Variants in CDK1 observed in about 807,000 individuals in gnomAD.
CDK1 encodes cyclin-dependent kinase 1.
CDK1 carries 5 observed loss-of-function variants against 34.6 expected under a neutral mutation model. The observed-to-expected ratio is 0.14, with a 90% CI of 0.08 to 0.30. The LOEUF is 0.30. Ranked by LOEUF, CDK1 falls within the 10% of genes least tolerant of loss-of-function variation. The pLI is 1.00. For missense variants in CDK1, 157 were observed against 345.7 expected (o/e 0.45, Z 4.33); for synonymous variants, 108 against 114.7 (o/e 0.94, Z 0.37).
intron 7 of CDK1, among the ~76,000 whole-genome samples, chr10:60,793,368 G>A (rs186137764): frequency 1.3e-5 from 2 of 151,992 alleles, no homozygotes; most frequent in East Asian, 1.9e-4. Flanking sequence ...TTTTTCTGGC[G>A]CGTAAACTAA....
At chr10:60,792,622 A>G (rs1589115085) in intron 7 of CDK1, among the ~76,000 whole-genome samples, 1 of 151,952 alleles carries the variant, frequency 6.6e-6, no homozygotes, top group Admixed American at 6.6e-5. Context: ...CTCTTAGTTT[A>G]TGCTAGACGT....
intron 3 of CDK1, 85 bp downstream of exon 3, chr10:60,784,946 A>G (rs2080302884): frequency 3.1e-6 from 4 of 1,304,648 alleles, no homozygotes; most frequent in Non-Finnish European, 4.3e-6. Flanking sequence ...ACATTTGCTC[A>G]ATTTCTTGGT....
At chr10:60,787,261 C>T (rs952962413) in intron 4 of CDK1, among the ~76,000 whole-genome samples, 1 of 151,996 alleles carries the variant, frequency 6.6e-6, no homozygotes, top group Non-Finnish European at 1.5e-5. Context: ...TCAACACTTC[C>T]AACTATATGC....
At chr10:60,790,926 A>G (rs2080355631) in intron 5 of CDK1, among the ~76,000 whole-genome samples, 1 of 152,078 alleles carries the variant, frequency 6.6e-6, no homozygotes, top group Admixed American at 6.6e-5. Flanking sequence ...TTCGGTTACT[A>G]TAGCTTTGTA....
intron 5 of CDK1, among the ~76,000 whole-genome samples, chr10:60,789,914 A>AT (rs1446059510): frequency 1.3e-5 from 2 of 152,004 alleles, no homozygotes; most frequent in African/African-American, 2.4e-5. Context: ...ATCAGCACTT[A>AT]TTTTTTGTCT....
chr10:60,784,432 C>G (rs1380862150), intron 2 of CDK1, among the ~76,000 whole-genome samples: 4 of 152,086 alleles, frequency 2.6e-5, no homozygotes, highest in African/African-American at 9.7e-5. Flanking sequence ...GAGTTCCAGA[C>G]TGGCCTGGGC....
chr10:60,781,104 C>T (rs1220358602), intron 2 of CDK1, among the ~76,000 whole-genome samples: 1 of 151,748 alleles, frequency 6.6e-6, no homozygotes, highest in African/African-American at 2.4e-5. Context: ...TTCTACTAAA[C>T]AAATTTTGCT....
In CDK1 at chr10:60,794,314, A is replaced by G. The variant is rs929126762; in HGVS notation, c.*339A>G. ...GTAGTTGGAACTACTAAAATTTAGG[A>G]AAATGCTAAGTTCAAGTTTCGTAAT... On this transcript the variant is annotated 3_prime_UTR_variant, in exon 8 of 8. Transcript: ENST00000395284. The G allele has an allele frequency of 6.1e-6, 1 of 164,706 alleles. No individual in the cohort carries two copies. The highest frequency in any genetic ancestry group is 2.4e-5 in the African/African-American group (1 of 41,938). The allele number at this position is 164,706 out of a possible 1,614,324, so 10.2% of individuals were successfully genotyped here.
chr10:60,790,015 A>G (rs2080348103), intron 5 of CDK1, among the ~76,000 whole-genome samples: 1 of 152,174 alleles, frequency 6.6e-6, no homozygotes, highest in African/African-American at 2.4e-5. Flanking sequence ...GCACTTTTTC[A>G]TATACTTGCT....
At chr10:60,793,581 A>T (rs1044763835) in intron 7 of CDK1, among the ~76,000 whole-genome samples, 22 of 151,990 alleles carry the variant, frequency 1.4e-4, no homozygotes, top group Admixed American at 9.2e-4. Flanking sequence ...CGTCTTTCCT[A>T]TATTTGTGTC....
At chr10:60,789,406 G>T (rs1400551808) in intron 5 of CDK1, among the ~76,000 whole-genome samples, 2 of 152,124 alleles carry the variant, frequency 1.3e-5, no homozygotes, top group East Asian at 3.9e-4. Context: ...ACTAAGCCCT[G>T]AATAACCACT....
rs545922352 is a variant in CDK1 at position 60,781,077 on chromosome 10, T to G, written c.37+875T>G. 5.9e-5 allele frequency among the ~76,000 whole-genome samples: 9 copies of G among 151,920 alleles called. No homozygotes were observed. The South Asian group carries it at 1.9e-3, about 32-fold the overall frequency. On this transcript the variant is annotated intron_variant, in intron 2 of 7. Transcript: ENST00000395284. ...ATATATATTTTTTTTTTAAATCACTTAAATACCTCATACCCATTCTACTAA... is the reference window on the plus strand; with the variant it reads ...ATATATATTTTTTTTTTAAATCACTGAAATACCTCATACCCATTCTACTAA...
At position 60,785,144 on chromosome 10, in the gene CDK1, A is replaced by T. The variant is rs60184425; in HGVS notation, c.194+283A>T. On this transcript the variant is annotated intron_variant, in intron 3 of 7. Transcript: ENST00000395284. ...AAGCCGTTTTCATAGAGCTTTGTCAACTCTCTCCTACTTGGGGAGCTCTAG... is the reference window on the plus strand; with the variant it reads ...AAGCCGTTTTCATAGAGCTTTGTCATCTCTCTCCTACTTGGGGAGCTCTAG... Among the ~76,000 whole-genome samples, 989 of 152,100 alleles carry T rather than the reference A, an allele frequency of 6.5e-3. 7 individuals carry two copies. The highest frequency in any genetic ancestry group is 0.022 in the African/African-American group (916 of 41,496).
At chr10:60,785,531 T>A in intron 3 of CDK1, 133 bp from the exon 4 acceptor site, 2 of 589,348 alleles carry the variant, frequency 3.4e-6, no homozygotes, top group Non-Finnish European at 6.0e-6. Flanking sequence ...TTTGAGTCTC[T>A]TCCATTAGGG....
chr10:60,788,630 C>T (rs1038621186), intron 5 of CDK1, among the ~76,000 whole-genome samples: 2 of 152,052 alleles, frequency 1.3e-5, no homozygotes, highest in African/African-American at 2.4e-5. Flanking sequence ...TGAACCCTCC[C>T]TGATTATAGT....
intron 2 of CDK1, among the ~76,000 whole-genome samples, chr10:60,782,691 T>G (rs1034144241): frequency 2.0e-5 from 3 of 152,186 alleles, no homozygotes; most frequent in Non-Finnish European, 2.9e-5. Context: ...GATCTCCTTC[T>G]AGGCTTACCT....
chr10:60,780,422 A>G (rs575322997), intron 2 of CDK1, among the ~76,000 whole-genome samples: 3 of 152,292 alleles, frequency 2.0e-5, no homozygotes, highest in Admixed American at 6.5e-5. Context: ...CCTCACCCCC[A>G]TAGTCTTACA....
At chr10:60,779,578 C>T (rs1285350444) in intron 1 of CDK1, among the ~76,000 whole-genome samples, 5 of 152,076 alleles carry the variant, frequency 3.3e-5, no homozygotes, top group Non-Finnish European at 7.4e-5. Flanking sequence ...TTGTCTGTGA[C>T]CTCAGCAAGC....
chr10:60,780,614 G>C (rs1464005043), intron 2 of CDK1, among the ~76,000 whole-genome samples: 1 of 151,938 alleles, frequency 6.6e-6, no homozygotes, highest in Non-Finnish European at 1.5e-5. Context: ...AGACTTTATA[G>C]ACTGGTTACA....
Sources: allele counts gnomAD v4.1 joint callset (sites outside exome capture counted in the v4.1 genomes callset), GRCh38; gene constraint gnomAD v4.1.1; transcripts MANE v1.5; gene names NCBI Gene and HGNC (gene_info 2026-07-23, HGNC 2026-07-21).